ZNF18: variants seen among roughly 807,000 people sequenced by gnomAD.
ZNF18 encodes heart development-specific gene 1 protein.
Under a neutral mutation model 58.1 loss-of-function variants are expected in ZNF18, and 42 were observed. That is an observed-to-expected ratio of 0.72 (90% CI 0.56 to 0.93). The LOEUF is 0.93. Ranked by LOEUF, ZNF18 falls within the 40% of genes least tolerant of loss-of-function variation. The probability of loss-of-function intolerance (pLI) is 0.00; values close to 1 mark genes in which losing one functional copy is unlikely to be tolerated. For missense variants in ZNF18, 540 were observed against 644.2 expected (o/e 0.84, Z 1.75); for synonymous variants, 231 against 239.8 (o/e 0.96, Z 0.34).
the ZNF18 span, chr17:12,009,025 A>G: frequency 1.3e-5 from 2 of 152,276 alleles, no homozygotes; most frequent in Admixed American, 6.5e-5. Flanking sequence ...GGCTATACAG[A>G]TATCAGCCAG....
At chr17:12,016,380 A>G in the ZNF18 span, among the ~76,000 whole-genome samples, 2 of 151,924 alleles carry the variant, frequency 1.3e-5, no homozygotes. Flanking sequence ...CCCAGGCTGG[A>G]GAGCAGTGGC....
the ZNF18 span, among the ~76,000 whole-genome samples, chr17:12,005,589 T>C: frequency 1.9e-4 from 29 of 152,074 alleles, no homozygotes; most frequent in Middle Eastern, 6.8e-3. Context: ...TTTGGGGAGG[T>C]TTCTTTTTTC....
intron 1 of ZNF18, chr17:11,995,643 A>G (rs1343924804): frequency 6.6e-6 from 1 of 150,888 alleles, no homozygotes. Context: ...AGATCGTACC[A>G]CTGCACTCCA....
At chr17:11,992,402 G>A in intron 2 of ZNF18, 41 bp downstream of exon 2, 1 of 1,586,384 alleles carries the variant, frequency 6.3e-7, no homozygotes, top group Non-Finnish European at 8.6e-7. Context: ...CCAGAGAGGA[G>A]CCCTGTGTTT....
At chr17:11,997,701 T>C (rs1968566688), upstream of ZNF18, among the ~76,000 whole-genome samples, 1 of 152,226 alleles carries the variant, frequency 6.6e-6, no homozygotes, top group Non-Finnish European at 1.5e-5. Flanking sequence ...CCTGAGTTCC[T>C]TCACTTCTCA....
the ZNF18 span, among the ~76,000 whole-genome samples, chr17:12,004,975 T>C: frequency 1.3e-5 from 2 of 151,262 alleles, no homozygotes; most frequent in African/African-American, 4.8e-5. Flanking sequence ...TATATTTATG[T>C]GTATATTTAC....
intron 1 of ZNF18, chr17:11,993,783 C>G (rs868344808): frequency 7.5e-6 from 1 of 132,500 alleles, no homozygotes; most frequent in South Asian, 2.5e-4. Flanking sequence ...AAGATCGCGC[C>G]ACTGCACTCC....
intron 4 of ZNF18, among the ~76,000 whole-genome samples, chr17:11,989,203 T>C (rs982356989): frequency 4.7e-5 from 7 of 150,284 alleles, no homozygotes; most frequent in Admixed American, 2.0e-4. Context: ...CACATGCCTG[T>C]AGTTCTAGCT....
At chr17:12,010,122 C>G in the ZNF18 span, among the ~76,000 whole-genome samples, 5 of 151,702 alleles carry the variant, frequency 3.3e-5, no homozygotes, top group African/African-American at 7.3e-5. Context: ...AGACTTTATT[C>G]TCAGGCTTAA....
At chr17:12,020,924 G>C in the ZNF18 span, 7 of 1,217,540 alleles carry the variant, frequency 5.7e-6, no homozygotes, top group Non-Finnish European at 7.2e-6. Flanking sequence ...GGCGGCTCCG[G>C]GGGCGGCAGC....
intron 6 of ZNF18, among the ~76,000 whole-genome samples, chr17:11,979,029 G>A (rs1298304360): frequency 2.0e-5 from 3 of 150,526 alleles, no homozygotes; most frequent in Non-Finnish European, 4.4e-5. Flanking sequence ...AAAGCCACAT[G>A]TATTTCTTAA....
chr17:11,980,091 T>C (rs1222754516), intron 6 of ZNF18, among the ~76,000 whole-genome samples: 2 of 152,176 alleles, frequency 1.3e-5, no homozygotes, highest in African/African-American at 4.8e-5. Context: ...GGCATAAATA[T>C]TAAGGCTCTT....
chr17:12,003,425 G>A, the ZNF18 span, among the ~76,000 whole-genome samples: 1 of 149,106 alleles, frequency 6.7e-6, no homozygotes, highest in Non-Finnish European at 1.5e-5. Context: ...GGGTGACAGT[G>A]TGAGACTCTG....
the ZNF18 span, among the ~76,000 whole-genome samples, chr17:12,006,657 G>A: frequency 1.3e-4 from 20 of 152,194 alleles, 1 homozygote; most frequent in South Asian, 3.9e-3. Context: ...AGGCTGAGGT[G>A]GGAGGGTCAC....
chr17:12,013,880 T>C, the ZNF18 span, among the ~76,000 whole-genome samples: 1 of 152,228 alleles, frequency 6.6e-6, no homozygotes, highest in Non-Finnish European at 1.5e-5. Flanking sequence ...AACAAACCTG[T>C]ATGGAACAAT....
chr17:12,020,862 G>C, the ZNF18 span: 1 of 1,090,750 alleles, frequency 9.2e-7, no homozygotes, highest in South Asian at 4.6e-5. Context: ...CCGCCGCGGC[G>C]CCGCTCGGCT....
At chr17:11,998,044 GTC>G (rs200300397), upstream of ZNF18, among the ~76,000 whole-genome samples, 1 of 134,852 alleles carries the variant, frequency 7.4e-6, no homozygotes, top group East Asian at 2.6e-4. Flanking sequence ...TTCCACCTGC[GTC>G]TCTCTCTCTT....
intron 4 of ZNF18, among the ~76,000 whole-genome samples, chr17:11,988,977 G>A (rs571570024): frequency 2.0e-5 from 3 of 152,162 alleles, no homozygotes; most frequent in South Asian, 2.1e-4. Context: ...TGGTCAACAT[G>A]GTGAAACCCC....
the ZNF18 span, among the ~76,000 whole-genome samples, chr17:12,008,242 A>G: frequency 6.6e-6 from 1 of 152,238 alleles, no homozygotes; most frequent in Non-Finnish European, 1.5e-5. Flanking sequence ...CAGAAGTTGG[A>G]AACTGGCAGC....
Sources: allele counts gnomAD v4.1 joint callset (sites outside exome capture counted in the v4.1 genomes callset), GRCh38; gene constraint gnomAD v4.1.1; transcripts MANE v1.5; gene names NCBI Gene and HGNC (gene_info 2026-07-23, HGNC 2026-07-21).